Variants in LRP1B observed in about 807,000 individuals in gnomAD.
LRP1B encodes the protein LDL receptor related protein 1B, also known as low-density lipoprotein receptor-related protein 1B.
Under a neutral mutation model 556.6 loss-of-function variants are expected in LRP1B, and 217 were observed. The observed-to-expected ratio is 0.39, with a 90% CI of 0.35 to 0.44. The LOEUF (loss-of-function observed/expected upper bound fraction) is 0.44. Among genes scored for constraint, LRP1B ranks in the 20% least tolerant of loss-of-function variants. LRP1B has a pLI of 1.00. For synonymous variants in LRP1B, 2,047 were observed against 1,865.8 expected (o/e 1.10, Z -2.50); for missense variants, 5,053 against 5,620.8 (o/e 0.90, Z 3.23).
In LRP1B at chr2:140,982,220, C is replaced by A. The variant is rs745970595; in HGVS notation, c.2827G>T (p.Ala943Ser). 6 of 1,613,300 alleles carry A rather than the reference C, an allele frequency of 3.7e-6. No homozygotes were observed. Among genetic ancestry groups the A allele is most frequent in the Non-Finnish European group, 5.1e-6 (6 of 1,179,598 alleles). Residue 943 changes from alanine (A) to serine (S), a missense_variant, in exon 18 of 91, where the codon GCA (alanine) becomes TCA (serine). By Grantham distance (99) the Ala-to-Ser change is moderately conservative. Transcript: ENST00000389484. ...TCGTCTTCCCTGTCACACAGCCATG[C>A]TCTGGGAATGCAACGCCCATTTCCG... ...SCGNGRCIPR[A>S]WLCDREDDCG... is the part of the protein sequence containing the mutation.
At chr2:141,394,267 G>A (rs1690161941) in intron 3 of LRP1B, among the ~76,000 whole-genome samples, 1 of 151,984 alleles carries the variant, frequency 6.6e-6, no homozygotes, top group South Asian at 2.1e-4. Flanking sequence ...AAATAATTGT[G>A]TAAACTTTCA....
intron 45 of LRP1B, among the ~76,000 whole-genome samples, chr2:140,538,122 C>T (rs1354742223): frequency 6.6e-6 from 1 of 151,982 alleles, no homozygotes; most frequent in African/African-American, 2.4e-5. Flanking sequence ...ATTAAACAGC[C>T]ACTAATACTA....
rs1350076589 is a variant in LRP1B at position 140,233,301 on chromosome 2, T to C, written c.13685A>G (p.Tyr4562Cys). The change falls in exon 91 of 91, where the codon TAT becomes TGT. Residue 4562 changes from tyrosine to cysteine, a missense_variant. Coordinates refer to ENST00000389484, the MANE Select transcript of LRP1B (RefSeq NM_018557.3). ...TTGCCCATCCATATATAATTTTGCA[T>C]ATACCGGATTGGAGTAATTTGTTGG... The part of the protein sequence containing the change: ...AGPTNYSNPV[Y>C]AKLYMDGQNC... 1 of 1,600,256 alleles carries C rather than the reference T, an allele frequency of 6.2e-7. No individual in the cohort carries two copies. Among genetic ancestry groups the C allele is most frequent in the Non-Finnish European group, 8.5e-7 (1 of 1,171,886 alleles).
At chr2:141,206,726 T>C (rs927956598) in intron 6 of LRP1B, among the ~76,000 whole-genome samples, 2 of 152,168 alleles carry the variant, frequency 1.3e-5, no homozygotes, top group Admixed American at 6.5e-5. Flanking sequence ...AACTATCTTT[T>C]CCACACAAAC....
At chr2:141,839,678 G>C (rs372581911) in intron 1 of LRP1B, among the ~76,000 whole-genome samples, 11 of 152,206 alleles carry the variant, frequency 7.2e-5, no homozygotes, top group African/African-American at 2.2e-4. Flanking sequence ...CAAGACCTAT[G>C]AAAGTAAAGA....
intron 7 of LRP1B, among the ~76,000 whole-genome samples, chr2:141,155,875 T>C (rs891774861): frequency 6.6e-6 from 1 of 152,180 alleles, no homozygotes; most frequent in Admixed American, 6.5e-5. Flanking sequence ...TAGCTGAAGA[T>C]ATTTTTTCAA....
chr2:140,580,518 GAAC>G (rs1315262391), intron 43 of LRP1B, among the ~76,000 whole-genome samples: 1 of 152,134 alleles, frequency 6.6e-6, no homozygotes, highest in Non-Finnish European at 1.5e-5. Context: ...ACTCATGACA[GAAC>G]AACTGTTTTC....
At chr2:141,521,569 A>C (rs1296048718) in intron 2 of LRP1B, among the ~76,000 whole-genome samples, 1 of 151,760 alleles carries the variant, frequency 6.6e-6, no homozygotes, top group African/African-American at 2.4e-5. Flanking sequence ...CAGTTGCATA[A>C]TTTAGATTTG....
At chr2:141,580,280 T>A (rs1430766803) in intron 2 of LRP1B, among the ~76,000 whole-genome samples, 1 of 152,204 alleles carries the variant, frequency 6.6e-6, no homozygotes, top group Non-Finnish European at 1.5e-5. Context: ...ATATTTCTCC[T>A]GGATTACATG....
intron 6 of LRP1B, among the ~76,000 whole-genome samples, chr2:141,192,720 A>T (rs1681572169): frequency 6.6e-6 from 1 of 151,856 alleles, no homozygotes; most frequent in Non-Finnish European, 1.5e-5. Flanking sequence ...CTCTATATCA[A>T]TATCATCTGA....
At chr2:141,096,606 G>C (rs1700310219) in intron 7 of LRP1B, among the ~76,000 whole-genome samples, 1 of 133,688 alleles carries the variant, frequency 7.5e-6, no homozygotes, top group African/African-American at 2.8e-5. Context: ...ACCCTAGCCT[G>C]AATGACAAAG....
At chr2:141,722,747 T>TAGATAGATAGAC (rs1283209514) in intron 2 of LRP1B, among the ~76,000 whole-genome samples, 2 of 151,868 alleles carry the variant, frequency 1.3e-5, no homozygotes, top group East Asian at 3.9e-4. Flanking sequence ...GATAGATAGA[T>TAGATAGATAGAC]AGATAGATAG....
intron 2 of LRP1B, among the ~76,000 whole-genome samples, chr2:141,723,054 G>A (rs951196184): frequency 2.0e-5 from 3 of 151,150 alleles, no homozygotes; most frequent in African/African-American, 4.8e-5. Flanking sequence ...TTATATAATA[G>A]AGCTGTCACA....
intron 29 of LRP1B, among the ~76,000 whole-genome samples, chr2:140,846,782 A>T (rs12467730): frequency 5.5e-4 from 83 of 152,004 alleles, no homozygotes; most frequent in African/African-American, 1.9e-3. Context: ...AGGTTTCCAC[A>T]GAGTCATTCA....
intron 35 of LRP1B, among the ~76,000 whole-genome samples, chr2:140,731,628 C>T (rs773321568): frequency 1.3e-4 from 19 of 151,830 alleles, no homozygotes; most frequent in African/African-American, 3.6e-4. Context: ...ATTAACTGGG[C>T]GTGGTGGCCC....
intron 2 of LRP1B, among the ~76,000 whole-genome samples, chr2:141,558,673 T>C (rs1686043400): frequency 6.6e-6 from 1 of 151,758 alleles, no homozygotes. Context: ...GTAATACAAG[T>C]AAGAAGTAAT....
At chr2:140,949,938 CAAAAAAAAAAAAAA>C (rs67201185) in intron 20 of LRP1B, among the ~76,000 whole-genome samples, 5 of 14,300 alleles carry the variant, frequency 3.5e-4, no homozygotes, top group African/African-American at 9.1e-4. Flanking sequence ...GACTCCGTCT[CAAAAAAAAAAAAAA>C]AAAAAAAAAA....
At position 140,813,639 on chromosome 2, in the gene LRP1B, T is replaced by C; in HGVS notation, c.5359+18A>G. 2 of 1,611,324 alleles carry C rather than the reference T, an allele frequency of 1.2e-6. No homozygotes were observed. The highest frequency in any genetic ancestry group is 1.7e-6 in the Non-Finnish European group (2 of 1,178,180). Reference sequence around the variant, plus strand: ...CAATCAATACAAAGCAACCAAGCTATAGAATAATTTCACTTACCCATGATG... The same window carrying C: ...CAATCAATACAAAGCAACCAAGCTACAGAATAATTTCACTTACCCATGATG... On this transcript the variant is annotated intron_variant, in intron 32 of 90. Coordinates refer to ENST00000389484, the MANE Select transcript of LRP1B (RefSeq NM_018557.3).
chr2:141,760,168 T>C (rs1694486217), intron 2 of LRP1B, among the ~76,000 whole-genome samples: 1 of 152,154 alleles, frequency 6.6e-6, no homozygotes, highest in South Asian at 2.1e-4. Flanking sequence ...AAAATACATC[T>C]CTTGTAATGT....
Sources: allele counts gnomAD v4.1 joint callset (sites outside exome capture counted in the v4.1 genomes callset), GRCh38; gene constraint gnomAD v4.1.1; transcripts MANE v1.5; gene names NCBI Gene and HGNC (gene_info 2026-07-23, HGNC 2026-07-21).